Variants in APBA1 observed in about 807,000 individuals in gnomAD.
APBA1 encodes amyloid-beta A4 precursor protein-binding family A member 1.
APBA1 carries 55 observed loss-of-function variants against 86.6 expected under a neutral mutation model. The observed-to-expected ratio is 0.64, with a 90% confidence interval of 0.51 to 0.80. APBA1 has a LOEUF of 0.80. Among genes scored for constraint, APBA1 ranks in the 30% least tolerant of loss-of-function variants. The pLI is 0.00. For missense variants in APBA1, 1,090 were observed against 1,183.0 expected (o/e 0.92, Z 1.15); for synonymous variants, 511 against 493.9 (o/e 1.03, Z -0.46).
In APBA1 at chr9:69,464,554, TTTGATTCAA is replaced by T. The variant is rs1336495696; in HGVS notation, c.1482+3260_1482+3268del. Reference sequence around the variant, plus strand: ...TTCTGATCAACAGAGCCATCTAATTTTTGATTCAAATGAACTGTGGAACTTCGGGATACC... The same window carrying T: ...TTCTGATCAACAGAGCCATCTAATTTATGAACTGTGGAACTTCGGGATACC... On this transcript the variant is annotated intron_variant, in intron 5 of 12. Coordinates refer to ENST00000265381, the MANE Select transcript of APBA1 (RefSeq NM_001163.4). 4 of 152,340 alleles carry T rather than the reference TTTGATTCAA, an allele frequency of 2.6e-5. No homozygotes were observed. The South Asian group carries it at 8.3e-4, about 32-fold the overall frequency. The allele number at this position is 152,340 out of a possible 1,614,324, so 9.4% of individuals were successfully genotyped here.
intron 1 of APBA1, among the ~76,000 whole-genome samples, chr9:69,544,965 A>G (rs1475733043): frequency 6.6e-6 from 1 of 152,234 alleles, no homozygotes. Flanking sequence ...TGTTCAGCTT[A>G]TCAGAGTTCT....
chr9:69,658,190 A>T (rs912808598), intron 1 of APBA1, among the ~76,000 whole-genome samples: 9 of 152,170 alleles, frequency 5.9e-5, no homozygotes, highest in Middle Eastern at 3.4e-3. Flanking sequence ...AGGCCTGCTG[A>T]TGGACAATGT....
intron 1 of APBA1, among the ~76,000 whole-genome samples, chr9:69,659,283 T>A (rs1473082600): frequency 6.6e-6 from 1 of 152,142 alleles, no homozygotes; most frequent in Non-Finnish European, 1.5e-5. Context: ...AACACTGTAA[T>A]TCCCCAAGTG....
intron 2 of APBA1, among the ~76,000 whole-genome samples, chr9:69,491,196 G>A (rs1835704125): frequency 6.6e-6 from 1 of 152,014 alleles, no homozygotes; most frequent in Admixed American, 6.5e-5. Flanking sequence ...CAAAGACTTG[G>A]AACCAACCCA....
rs1349894464 is a variant in APBA1, at chr9:69,428,300, GT to G, written c.*3026del. 2.0e-5 allele frequency: 3 copies of G among 152,294 alleles called. No homozygotes were observed. Among genetic ancestry groups the G allele is most frequent in the Non-Finnish European group, 2.9e-5 (2 of 68,102 alleles). The allele number at this position is 152,294 out of a possible 1,614,324, so 9.4% of individuals were successfully genotyped here. A position where few individuals can be genotyped will look rare whatever the true frequency, so the allele number is the denominator to read the frequency against. ...TGGGCAATGTTCAGAAAGCAAACCC[GT>G]GCACAGGGACCCGGCACCCCTGCCA... On this transcript the variant is annotated 3_prime_UTR_variant, in exon 13 of 13. Coordinates refer to ENST00000265381, the MANE Select transcript of APBA1 (RefSeq NM_001163.4).
chr9:69,611,370 T>C (rs1822586525), intron 1 of APBA1, among the ~76,000 whole-genome samples: 1 of 148,786 alleles, frequency 6.7e-6, no homozygotes, highest in Non-Finnish European at 1.5e-5. Context: ...GCAAACCAGA[T>C]CAACAAACAA....
intron 1 of APBA1, among the ~76,000 whole-genome samples, chr9:69,561,991 C>T (rs961042837): frequency 6.6e-6 from 1 of 152,038 alleles, no homozygotes; most frequent in African/African-American, 2.4e-5. Context: ...TATTTGATTG[C>T]TAGCAGTTTT....
At chr9:69,499,523 C>T (rs962981967) in intron 2 of APBA1, among the ~76,000 whole-genome samples, 1 of 152,084 alleles carries the variant, frequency 6.6e-6, no homozygotes, top group Non-Finnish European at 1.5e-5. Context: ...AAATGGCATC[C>T]TTTGGCAGCA....
At chr9:69,461,762 TG>T (rs1310991379) in intron 5 of APBA1, 3 of 152,220 alleles carry the variant, frequency 2.0e-5, no homozygotes, top group Non-Finnish European at 4.4e-5. Context: ...GTTGTGCAAC[TG>T]GGGCAAGCAT....
chr9:69,544,314 T>C (rs1034251470), intron 1 of APBA1, among the ~76,000 whole-genome samples: 8 of 152,238 alleles, frequency 5.3e-5, no homozygotes, highest in African/African-American at 1.9e-4. Flanking sequence ...CCTTCCCCTG[T>C]CACTCTTTGA....
intron 2 of APBA1, among the ~76,000 whole-genome samples, chr9:69,498,998 G>C (rs1835841665): frequency 6.6e-6 from 1 of 152,052 alleles, no homozygotes; most frequent in Non-Finnish European, 1.5e-5. Flanking sequence ...AAACACACTG[G>C]GTTCCATTTC....
intron 2 of APBA1, among the ~76,000 whole-genome samples, chr9:69,493,719 A>G (rs1211907727): frequency 3.3e-5 from 5 of 152,154 alleles, no homozygotes; most frequent in Non-Finnish European, 7.3e-5. Context: ...AATAAATGGA[A>G]GCATGCATAG....
At chr9:69,666,708 G>A (rs1236104414) in intron 1 of APBA1, among the ~76,000 whole-genome samples, 1 of 151,980 alleles carries the variant, frequency 6.6e-6, no homozygotes, top group Admixed American at 6.6e-5. Flanking sequence ...CATAACTCAA[G>A]GATCTAAAGG....
intron 1 of APBA1, among the ~76,000 whole-genome samples, chr9:69,639,819 T>C (rs761984039): frequency 9.2e-5 from 14 of 152,178 alleles, no homozygotes; most frequent in African/African-American, 2.4e-4. Flanking sequence ...AATGAGGGAA[T>C]AGTAAAATCT....
At chr9:69,627,780 A>C (rs1005586089) in intron 1 of APBA1, among the ~76,000 whole-genome samples, 3 of 152,186 alleles carry the variant, frequency 2.0e-5, no homozygotes, top group Admixed American at 1.3e-4. Flanking sequence ...AGAATGAAAC[A>C]CAAATTGGTC....
chr9:69,499,066 G>C (rs1055770975), intron 2 of APBA1, among the ~76,000 whole-genome samples: 24 of 152,168 alleles, frequency 1.6e-4, no homozygotes, highest in Admixed American at 1.1e-3. Context: ...TAAGCTTCTG[G>C]GATGTTGACT....
intron 1 of APBA1, among the ~76,000 whole-genome samples, chr9:69,519,968 T>A (rs1836226312): frequency 6.6e-6 from 1 of 152,182 alleles, no homozygotes; most frequent in Admixed American, 6.5e-5. Context: ...GTTAATGTAG[T>A]TTTGGTACAA....
At position 69,430,010 on chromosome 9, in the gene APBA1, G is replaced by T. The variant is rs994501095; in HGVS notation, c.*1317C>A. On this transcript the variant is annotated 3_prime_UTR_variant, in exon 13 of 13. Coordinates refer to ENST00000265381, the MANE Select transcript of APBA1 (RefSeq NM_001163.4). ...GAAGCATAAATATGAGGCACCTGAT[G>T]AAAACACGGAACAATTCCACACCAG... 3 of 152,082 alleles carry T rather than the reference G, an allele frequency of 2.0e-5. No homozygotes were observed. The highest frequency in any genetic ancestry group is 7.2e-5 in the African/African-American group (3 of 41,382). 9.4% of individuals were successfully genotyped at this position (152,082 alleles called of 1,614,324 possible). A position where few individuals can be genotyped will look rare whatever the true frequency, so the allele number is the denominator to read the frequency against.
At chr9:69,492,181 C>A (rs774103551) in intron 2 of APBA1, among the ~76,000 whole-genome samples, 3 of 152,072 alleles carry the variant, frequency 2.0e-5, no homozygotes, top group Non-Finnish European at 4.4e-5. Flanking sequence ...GTCTGGCTAC[C>A]ACTGATGGCT....
Sources: allele counts gnomAD v4.1 joint callset (sites outside exome capture counted in the v4.1 genomes callset), GRCh38; gene constraint gnomAD v4.1.1; transcripts MANE v1.5; gene names NCBI Gene and HGNC (gene_info 2026-07-23, HGNC 2026-07-21).